PDE1C: variants seen among roughly 807,000 people sequenced by gnomAD.
The protein encoded by PDE1C is phosphodiesterase 1C.
In PDE1C, 62 loss-of-function variants were observed where a neutral mutation model predicts 93.1. The observed-to-expected ratio is 0.67, with a 90% confidence interval of 0.54 to 0.82. The LOEUF is 0.82. Ranked by LOEUF, PDE1C falls within the 40% of genes least tolerant of loss-of-function variation. The probability of loss-of-function intolerance (pLI) is 0.00; values close to 1 mark genes in which losing one functional copy is unlikely to be tolerated. For synonymous variants in PDE1C, 325 were observed against 310.1 expected, an observed-to-expected ratio of 1.05 and a Z score of -0.50; for missense variants, 742 against 884.6, an observed-to-expected ratio of 0.84 and a Z score of 2.04.
chr7:31,719,543 T>C, the PDE1C span, among the ~76,000 whole-genome samples: 1 of 152,224 alleles, frequency 6.6e-6, no homozygotes, highest in Non-Finnish European at 1.5e-5. Flanking sequence ...AATTTATTGG[T>C]GCAATGTTCT....
At chr7:32,287,051 A>T (rs10479830) in intron 1 of PDE1C, among the ~76,000 whole-genome samples, 6,815 of 152,258 alleles carry the variant, frequency 0.045, 550 homozygotes, top group African/African-American at 0.15. Context: ...AGAGAGGAAG[A>T]ATGCAGGCCA....
intron 1 of PDE1C, among the ~76,000 whole-genome samples, chr7:32,355,776 C>G (rs531640694): frequency 6.6e-6 from 1 of 152,094 alleles, no homozygotes. Context: ...CAGAGCCTGG[C>G]GAAAGGAAGG....
intron 3 of PDE1C, among the ~76,000 whole-genome samples, chr7:32,139,791 G>C (rs1800414884): frequency 6.6e-6 from 1 of 152,252 alleles, no homozygotes; most frequent in South Asian, 2.1e-4. Context: ...TTTGAAAATA[G>C]GTTCCTCCTC....
chr7:32,023,043 G>A (rs1292745579), intron 2 of PDE1C, among the ~76,000 whole-genome samples: 1 of 151,114 alleles, frequency 6.6e-6, no homozygotes, highest in Non-Finnish European at 1.5e-5. Context: ...TGCTCCCAAC[G>A]ATTTAATGCA....
At chr7:31,957,257 G>A (rs1393178582) in intron 2 of PDE1C, among the ~76,000 whole-genome samples, 1 of 151,414 alleles carries the variant, frequency 6.6e-6, no homozygotes, top group Non-Finnish European at 1.5e-5. Flanking sequence ...TAAGAATAAT[G>A]CATCAGTTTT....
chr7:32,398,243 G>A (rs1784873595), intron 1 of PDE1C, among the ~76,000 whole-genome samples: 1 of 150,124 alleles, frequency 6.7e-6, no homozygotes, highest in African/African-American at 2.4e-5. Flanking sequence ...AACTCAGGAG[G>A]CAGAGCTTGC....
intron 3 of PDE1C, among the ~76,000 whole-genome samples, chr7:32,127,888 A>T (rs1265698149): frequency 6.6e-6 from 1 of 152,024 alleles, no homozygotes; most frequent in African/African-American, 2.4e-5. Flanking sequence ...TTGAAGAATA[A>T]ATGTATACAT....
the PDE1C span, among the ~76,000 whole-genome samples, chr7:31,731,401 T>C: frequency 7.3e-6 from 1 of 136,612 alleles, no homozygotes; most frequent in Non-Finnish European, 1.7e-5. Context: ...GGCACTTTTT[T>C]TGAGAGAGAG....
chr7:31,822,348 C>T (rs181032948), intron 14 of PDE1C, among the ~76,000 whole-genome samples: 1 of 152,190 alleles, frequency 6.6e-6, no homozygotes, highest in Non-Finnish European at 1.5e-5. Context: ...GTTTGCGCTA[C>T]CTGTGCACAA....
At chr7:31,907,616 G>A (rs1476986134) in intron 2 of PDE1C, among the ~76,000 whole-genome samples, 1 of 152,050 alleles carries the variant, frequency 6.6e-6, no homozygotes, top group Non-Finnish European at 1.5e-5. Context: ...TTTGTTGAAA[G>A]CAAATGTATT....
At chr7:31,750,383 T>C (rs1302097606), downstream of PDE1C, among the ~76,000 whole-genome samples, 2 of 152,148 alleles carry the variant, frequency 1.3e-5, no homozygotes, top group African/African-American at 4.8e-5. Flanking sequence ...AAATGGGTAA[T>C]ACATGGTGAA....
intron 2 of PDE1C, among the ~76,000 whole-genome samples, chr7:31,902,038 G>T (rs913900289): frequency 1.3e-5 from 2 of 151,132 alleles, no homozygotes; most frequent in East Asian, 1.9e-4. Context: ...GATATATATT[G>T]TATTTATATA....
the PDE1C span, among the ~76,000 whole-genome samples, chr7:31,713,860 C>G: frequency 1.3e-5 from 2 of 152,124 alleles, no homozygotes; most frequent in Non-Finnish European, 2.9e-5. Flanking sequence ...GCACCAAGTC[C>G]CTAGACTGCA....
At chr7:32,192,390 G>T (rs1242339121) in intron 2 of PDE1C, among the ~76,000 whole-genome samples, 2 of 152,060 alleles carry the variant, frequency 1.3e-5, no homozygotes, top group Non-Finnish European at 2.9e-5. Flanking sequence ...GACAGGTCAA[G>T]GTTCGTATTT....
the PDE1C span, among the ~76,000 whole-genome samples, chr7:31,621,681 G>C: frequency 2.0e-5 from 3 of 146,614 alleles, no homozygotes; most frequent in Non-Finnish European, 3.0e-5. Context: ...ATCGAGACTA[G>C]CAATAAACTG....
At chr7:32,282,485 A>AATAGCTAGCTAGATAGATAGATAGATAG (rs1554300204) in intron 1 of PDE1C, among the ~76,000 whole-genome samples, 3 of 143,860 alleles carry the variant, frequency 2.1e-5, no homozygotes, top group Non-Finnish European at 4.5e-5. Context: ...TCAAAAAAAA[A>AATAGCTAGCTAGATAGATAGATAGATAG]ATAGATAGAT....
chr7:31,853,170 C>G (rs1793557813), intron 7 of PDE1C, among the ~76,000 whole-genome samples: 1 of 152,066 alleles, frequency 6.6e-6, no homozygotes, highest in African/African-American at 2.4e-5. Flanking sequence ...TAGATATAAC[C>G]TACTTCTATT....
At chr7:31,678,240 TA>T in the PDE1C span, among the ~76,000 whole-genome samples, 1 of 152,056 alleles carries the variant, frequency 6.6e-6, no homozygotes, top group African/African-American at 2.4e-5. Context: ...TAAAGTTCTT[TA>T]AAAGAAATAA....
intron 1 of PDE1C, among the ~76,000 whole-genome samples, chr7:32,415,399 C>T (rs1262672716): frequency 2.0e-5 from 3 of 151,880 alleles, no homozygotes; most frequent in Non-Finnish European, 4.4e-5. Flanking sequence ...TGCAGTGAGC[C>T]GAGATCACGC....
Sources: allele counts gnomAD v4.1 joint callset (sites outside exome capture counted in the v4.1 genomes callset), GRCh38; gene constraint gnomAD v4.1.1; transcripts MANE v1.5; gene names NCBI Gene and HGNC (gene_info 2026-07-23, HGNC 2026-07-21).